LAMB4: variants seen among roughly 807,000 people sequenced by gnomAD.
The protein encoded by LAMB4 is laminin subunit beta 4.
In LAMB4, 196 loss-of-function variants were observed where a neutral mutation model predicts 199.2. The ratio of observed to expected loss-of-function variants is 0.98; its 90% confidence interval spans 0.88 to 1.11. LAMB4 has a LOEUF of 1.11. Among genes scored for constraint, LAMB4 ranks in the 50% least tolerant of loss-of-function variants. The probability of loss-of-function intolerance (pLI) is 0.00; values close to 1 mark genes in which losing one functional copy is unlikely to be tolerated. For synonymous variants in LAMB4, 744 were observed against 770.6 expected (o/e 0.97, Z 0.57); for missense variants, 2,080 against 2,171.2 (o/e 0.96, Z 0.83).
chr7:108,046,691 C>T lies in LAMB4; in HGVS notation c.4326+1217G>A, dbSNP rs1273026532. On this transcript the variant is annotated intron_variant, in intron 28 of 33. Coordinates refer to ENST00000388781, the MANE Select transcript of LAMB4 (RefSeq NM_007356.3). ...TCATTATAGATTTAATTATAAGGTA[C>T]TTAAATGTTAAAACAACTTTCTCAG... Among the ~76,000 whole-genome samples the T allele has an allele frequency of 2.6e-5, 4 of 151,922 alleles. No homozygotes were observed. The South Asian group carries it at 6.2e-4, about 24-fold the overall frequency.
At chr7:108,062,695 AC>A (rs2150547523) in intron 23 of LAMB4, 78 bp downstream of exon 23, 1 of 826,278 alleles carries the variant, frequency 1.2e-6, no homozygotes, top group African/African-American at 1.8e-5. Flanking sequence ...CATAAAAGAA[AC>A]TTTCTTTACA....
Position 108,048,098 on chromosome 7 carries a change from G to A in LAMB4, c.4136C>T (p.Pro1379Leu), listed in dbSNP as rs149396522. The A allele has an allele frequency of 1.0e-4, 162 of 1,612,612 alleles. No individual in the cohort carries two copies. The highest frequency in any genetic ancestry group is 1.3e-4 in the African/African-American group (10 of 74,574). ...QILNEKVCGDPGNVPCVPLPC... is the reference protein window; with the variant it reads ...QILNEKVCGDLGNVPCVPLPC... ...CAAGGGCACACATGGCACATTTCCT[G>A]GATCTCCGCACACCTTGCAAGAGAA... The change falls in exon 28 of 34, where the codon CCA becomes CTA. Residue 1379 changes from proline to leucine, a missense_variant. Pro to Leu is a moderately conservative substitution (Grantham distance 98). Transcript: ENST00000388781.
chr7:108,081,284 C>T (rs1295044614), intron 14 of LAMB4, among the ~76,000 whole-genome samples: 1 of 152,094 alleles, frequency 6.6e-6, no homozygotes, highest in Non-Finnish European at 1.5e-5. Flanking sequence ...ACATCTCCCT[C>T]CCTAACCAGC....
chr7:108,025,432 CTT>C (rs767315122), intron 33 of LAMB4, among the ~76,000 whole-genome samples: 6 of 109,584 alleles, frequency 5.5e-5, no homozygotes, highest in Admixed American at 8.3e-5. Flanking sequence ...TTCTTTCTTT[CTT>C]TTTTTTTTTT....
At chr7:108,049,030 G>A (rs1344212431) in intron 27 of LAMB4, among the ~76,000 whole-genome samples, 1 of 152,070 alleles carries the variant, frequency 6.6e-6, no homozygotes, top group African/African-American at 2.4e-5. Context: ...CCTTTTTCTT[G>A]TAATGAGGCA....
chr7:108,115,999 C>A lies in LAMB4; in HGVS notation c.192+5G>T. 6.2e-7 allele frequency: 1 copy of A among 1,609,022 alleles called. No individual in the cohort carries two copies. The highest frequency in any genetic ancestry group is 1.1e-5 in the South Asian group (1 of 90,460). ...TCCCAGCAAATAAACAAAGAGCCAA[C>A]CCACCTCCAGGTAACTGAGGATGCA... On this transcript the variant is annotated splice_donor_5th_base_variant and intron_variant, in intron 3 of 33. Transcript: ENST00000388781.
chr7:108,095,696 G>T (rs950762100), intron 11 of LAMB4, among the ~76,000 whole-genome samples: 1 of 152,060 alleles, frequency 6.6e-6, no homozygotes, highest in African/African-American at 2.4e-5. Context: ...ATTACTGATC[G>T]CTCCTTCTCT....
At chr7:108,111,064 G>A (rs1288561690) in intron 4 of LAMB4, among the ~76,000 whole-genome samples, 2 of 152,190 alleles carry the variant, frequency 1.3e-5, no homozygotes, top group African/African-American at 2.4e-5. Flanking sequence ...ATCATCTTGT[G>A]GGGGTTAAGG....
the LAMB4 span, among the ~76,000 whole-genome samples, chr7:108,013,560 G>A: frequency 4.6e-5 from 7 of 152,102 alleles, no homozygotes; most frequent in East Asian, 1.9e-4. Flanking sequence ...TCAAAGTGGC[G>A]ATCATATAAT....
At chr7:108,045,537 A>T (rs1293014437) in intron 28 of LAMB4, among the ~76,000 whole-genome samples, 1 of 152,246 alleles carries the variant, frequency 6.6e-6, no homozygotes, top group East Asian at 1.9e-4. Flanking sequence ...TTTCAAGGAT[A>T]ATTTTTTAAC....
intron 2 of LAMB4, among the ~76,000 whole-genome samples, chr7:108,119,167 G>A (rs1196436220): frequency 4.6e-5 from 7 of 152,148 alleles, no homozygotes; most frequent in Admixed American, 6.5e-5. Context: ...TGAAGATCCC[G>A]CATACCCTGC....
intron 14 of LAMB4, among the ~76,000 whole-genome samples, chr7:108,087,501 A>T (rs1008911085): frequency 6.6e-6 from 1 of 152,250 alleles, no homozygotes; most frequent in Non-Finnish European, 1.5e-5. Context: ...ACAAGCCTAC[A>T]GTGGCTCTGA....
rs2036211616 is a variant in LAMB4, at chr7:108,062,855, T to G, written c.3201A>C (p.Gly1067=). The change falls in exon 23 of 34, where the codon GGA becomes GGC. Residue 1067 remains glycine, a synonymous_variant. Transcript: ENST00000388781. ...TGLACDRCAD[G]YWNLVPGRGC... ...CTCTGCCAGGGACCAGATTCCAGTA[T>G]CCATCAGCACAACGGTCACAGGCCA... 1.3e-6 allele frequency: 2 copies of G among 1,584,006 alleles called. No homozygotes were observed. Among genetic ancestry groups the G allele is most frequent in the Non-Finnish European group, 1.7e-6 (2 of 1,166,762 alleles).
At chr7:108,021,552 A>ATACAAAATTAGCCGGGCGTGGTGGC (rs2034693175), downstream of LAMB4, among the ~76,000 whole-genome samples, 2 of 152,136 alleles carry the variant, frequency 1.3e-5, no homozygotes, top group African/African-American at 2.4e-5. Context: ...TCTACTAAAA[A>ATACAAAATTAGCCGGGCGTGGTGGC]TACAAAATTA....
intron 12 of LAMB4, among the ~76,000 whole-genome samples, chr7:108,093,976 G>A (rs1340136475): frequency 6.6e-6 from 1 of 152,214 alleles, no homozygotes; most frequent in Non-Finnish European, 1.5e-5. Flanking sequence ...ATGTGGTTGT[G>A]AAAACTTCCT....
In LAMB4 at chr7:108,091,716, A is replaced by T; in HGVS notation, c.1611T>A (p.Ser537=). ...CRPHVTGRSC[S]EPAPGYFFAP... Reference sequence around the variant, plus strand: ...CAAAGAAGTAGCCAGGGGCTGGTTCAGAGCAGCTACGGCCAGTGACATGTG... The same window carrying T: ...CAAAGAAGTAGCCAGGGGCTGGTTCTGAGCAGCTACGGCCAGTGACATGTG... The change falls in exon 14 of 34, where the codon TCT becomes TCA. Residue 537 remains serine (S), a synonymous_variant. Transcript: ENST00000388781. 2 of 1,614,254 alleles carry T rather than the reference A, an allele frequency of 1.2e-6. No individual in the cohort carries two copies. The highest frequency in any genetic ancestry group is 2.2e-5 in the South Asian group (2 of 91,088).
chr7:108,043,559 T>G (rs1366400213), intron 29 of LAMB4, among the ~76,000 whole-genome samples, 193 bp downstream of exon 29: 3 of 21,620 alleles, frequency 1.4e-4, no homozygotes, highest in Middle Eastern at 0.014. Context: ...TTTTTTTTTT[T>G]TTTTTTTTTT....
At position 108,068,131 on chromosome 7, in the gene LAMB4, G is replaced by C. The variant is rs143089978; in HGVS notation, c.2331C>G (p.Val777=). 3 of 1,614,020 alleles carry C rather than the reference G, an allele frequency of 1.9e-6. No homozygotes were observed. The highest frequency in any genetic ancestry group is 2.5e-6 in the Non-Finnish European group (3 of 1,180,016). ...CTCCAAGTCGGCTGCAGCTGGATCC[G>C]ACTGAGCCCTGGGGGTGACACTTGC... The part of the protein sequence containing the change: ...VACKCHPQGS[V]GSSCSRLGGQ... Residue 777 remains valine, a synonymous_variant, in exon 19 of 34, where the codon GTC becomes GTG. Transcript: ENST00000388781.
rs1162123199 is a variant in LAMB4, at chr7:108,052,191, T to C, written c.3822A>G (p.Thr1274=). 6.2e-7 allele frequency: 1 copy of C among 1,612,320 alleles called. No homozygotes were observed. Among genetic ancestry groups the C allele is most frequent in the East Asian group, 2.2e-5 (1 of 44,844 alleles). Residue 1274 remains threonine, a synonymous_variant, in exon 26 of 34, where the codon ACA becomes ACG. Transcript: ENST00000388781. ...AVYEFQDLKD[T]IERAKNEADL... is the part of the protein sequence containing the mutation. Reference sequence around the variant, plus strand: ...CTGCTTCATTCTTTGCTCTTTCTATTGTATCTTTCAGATCTTGAAATTCAT... The same window carrying C: ...CTGCTTCATTCTTTGCTCTTTCTATCGTATCTTTCAGATCTTGAAATTCAT...
Sources: allele counts gnomAD v4.1 joint callset (sites outside exome capture counted in the v4.1 genomes callset), GRCh38; gene constraint gnomAD v4.1.1; transcripts MANE v1.5; gene names NCBI Gene and HGNC (gene_info 2026-07-23, HGNC 2026-07-21).